RAB33B: variants seen among roughly 807,000 people sequenced by gnomAD.
The protein encoded by RAB33B is ras-related protein Rab-33B.
RAB33B carries 6 observed loss-of-function variants against 15.0 expected under a neutral mutation model. That is an observed-to-expected ratio of 0.40 (90% confidence interval 0.22 to 0.79). The LOEUF (loss-of-function observed/expected upper bound fraction) is 0.79. Among genes scored for constraint, RAB33B ranks in the 30% least tolerant of loss-of-function variants. The probability of loss-of-function intolerance (pLI) is 0.37; values close to 1 mark genes in which losing one functional copy is unlikely to be tolerated. For missense variants in RAB33B, 257 were observed against 296.4 expected (o/e 0.87, Z 0.98); for synonymous variants, 117 against 108.3 (o/e 1.08, Z -0.50).
At chr4:139,458,240 C>G (rs1001344702) in intron 1 of RAB33B, among the ~76,000 whole-genome samples, 1 of 151,752 alleles carries the variant, frequency 6.6e-6, no homozygotes, top group Non-Finnish European at 1.5e-5. Flanking sequence ...GCACTATGAT[C>G]GAGCCACTCC....
At chr4:139,444,170 C>T in the RAB33B span, among the ~76,000 whole-genome samples, 369 of 152,054 alleles carry the variant, frequency 2.4e-3, 2 homozygotes, top group Admixed American at 3.4e-3. Flanking sequence ...TGATTTGGGC[C>T]CACTAAGTGG....
intron 1 of RAB33B, among the ~76,000 whole-genome samples, chr4:139,469,399 C>T (rs1487626089): frequency 1.3e-5 from 2 of 152,180 alleles, no homozygotes; most frequent in Non-Finnish European, 2.9e-5. Context: ...TGGTAGTATT[C>T]TGAATTCCTT....
At chr4:139,467,802 G>T (rs1750317973) in intron 1 of RAB33B, among the ~76,000 whole-genome samples, 1 of 151,544 alleles carries the variant, frequency 6.6e-6, no homozygotes, top group Non-Finnish European at 1.5e-5. Context: ...AGGCAGCAGT[G>T]AGCTGAGATC....
chr4:139,454,247 G>T lies in RAB33B; in HGVS notation c.52G>T (p.Ala18Ser), dbSNP rs770964994. 6.2e-7 allele frequency: 1 copy of T among 1,614,142 alleles called. No individual in the cohort carries two copies. Among genetic ancestry groups the T allele is most frequent in the Non-Finnish European group, 8.5e-7 (1 of 1,180,004 alleles). ...SLEASFSSSG[A>S]VSGASGFLPP... The stretch of plus-strand genomic sequence containing the variant: ...CGAGGCAAGCTTTTCGTCCAGCGGG[G>T]CAGTGTCAGGGGCCTCAGGGTTTTT... Residue 18 changes from alanine to serine, a missense_variant, in exon 1 of 2, where the codon GCA becomes TCA. By Grantham distance (99) the Ala-to-Ser change is moderately conservative. Coordinates refer to ENST00000305626, the MANE Select transcript of RAB33B (RefSeq NM_031296.3).
At chr4:139,471,404 G>A (rs1286975887) in intron 1 of RAB33B, among the ~76,000 whole-genome samples, 1 of 152,140 alleles carries the variant, frequency 6.6e-6, no homozygotes, top group Non-Finnish European at 1.5e-5. Context: ...TGCTCGGGGT[G>A]CAGGGGGTGG....
At chr4:139,461,916 A>T (rs892813762) in intron 1 of RAB33B, among the ~76,000 whole-genome samples, 27 of 151,870 alleles carry the variant, frequency 1.8e-4, no homozygotes, top group African/African-American at 6.0e-4. Flanking sequence ...AAAAAAAAAA[A>T]TTTCATATAT....
rs1231148512 is a variant in RAB33B at position 139,474,000 on chromosome 4, G to A, written c.*874G>A. 1.3e-5 allele frequency: 2 copies of A among 149,402 alleles called. No homozygotes were observed. Among genetic ancestry groups the A allele is most frequent in the African/African-American group, 5.0e-5 (2 of 40,244 alleles). The allele number at this position is 149,402 out of a possible 1,614,324, so 9.3% of individuals were successfully genotyped here. On this transcript the variant is annotated 3_prime_UTR_variant, in exon 2 of 2. Coordinates refer to ENST00000305626, the MANE Select transcript of RAB33B (RefSeq NM_031296.3). ...GCTCACTGCAACCTCCGCCTCCCAG[G>A]TTCAAGTGATTCTCCTGCCTCAGCC... is the stretch of plus-strand genomic sequence containing the variant.
intron 1 of RAB33B, among the ~76,000 whole-genome samples, chr4:139,459,563 T>C (rs1256155916): frequency 1.3e-5 from 2 of 152,136 alleles, no homozygotes; most frequent in African/African-American, 4.8e-5. Flanking sequence ...CCTCCCTTAC[T>C]AAGTTTTATT....
chr4:139,471,529 T>G (rs970900138), intron 1 of RAB33B, among the ~76,000 whole-genome samples: 5 of 151,774 alleles, frequency 3.3e-5, no homozygotes, highest in African/African-American at 1.2e-4. Context: ...GAAGTTTTTT[T>G]TTTTTTTTTT....
At chr4:139,461,736 TC>T (rs1168888170) in intron 1 of RAB33B, among the ~76,000 whole-genome samples, 2 of 152,064 alleles carry the variant, frequency 1.3e-5, no homozygotes, top group South Asian at 2.1e-4. Flanking sequence ...CTTGCTCTCT[TC>T]CTTATCACCA....
intron 1 of RAB33B, among the ~76,000 whole-genome samples, chr4:139,461,991 C>A (rs1750181659): frequency 6.7e-6 from 1 of 149,616 alleles, no homozygotes; most frequent in South Asian, 2.1e-4. Context: ...CAAGTTTTAA[C>A]AAAAATGGCA....
chr4:139,442,450 CTGTG>C, the RAB33B span, among the ~76,000 whole-genome samples: 1 of 152,012 alleles, frequency 6.6e-6, no homozygotes, highest in Non-Finnish European at 1.5e-5. Context: ...AGTATTGATC[CTGTG>C]TGTGTCTGTG....
chr4:139,449,928 A>G (rs1229008179), upstream of RAB33B: 1 of 152,246 alleles, frequency 6.6e-6, no homozygotes, highest in Non-Finnish European at 1.5e-5. Flanking sequence ...AAGTGGGCAG[A>G]GCCATTTTTA....
At chr4:139,459,130 CAAAAA>C (rs70943419) in intron 1 of RAB33B, among the ~76,000 whole-genome samples, 1 of 120,220 alleles carries the variant, frequency 8.3e-6, no homozygotes, top group Non-Finnish European at 1.7e-5. Context: ...AATCCCATCT[CAAAAA>C]AAAAAAAAAA....
chr4:139,469,674 G>C (rs2111084511), intron 1 of RAB33B, among the ~76,000 whole-genome samples: 1 of 152,316 alleles, frequency 6.6e-6, no homozygotes, highest in African/African-American at 2.4e-5. Flanking sequence ...AAGGACTTGA[G>C]TGTTGTGATC....
In RAB33B at chr4:139,454,138, A is replaced by G; in HGVS notation, c.-58A>G. Reference sequence around the variant, plus strand: ...GGGCGCGCGCTCTTGCGGTGGCGTAATCTCTCAGCCTTTCTGTGTCTCCTT... The same window carrying G: ...GGGCGCGCGCTCTTGCGGTGGCGTAGTCTCTCAGCCTTTCTGTGTCTCCTT... On this transcript the variant is annotated 5_prime_UTR_variant, in exon 1 of 2. Transcript: ENST00000305626. The G allele has an allele frequency of 6.5e-7, 1 of 1,539,228 alleles. No individual in the cohort carries two copies. The highest frequency in any genetic ancestry group is 2.0e-5 in the Admixed American group (1 of 50,532).
chr4:139,445,976 T>C, the RAB33B span, among the ~76,000 whole-genome samples: 1 of 152,228 alleles, frequency 6.6e-6, no homozygotes, highest in African/African-American at 2.4e-5. Flanking sequence ...CGTTTGACTA[T>C]GTGTCATCAA....
At chr4:139,455,394 TG>T (rs757889200) in intron 1 of RAB33B, among the ~76,000 whole-genome samples, 18 of 152,308 alleles carry the variant, frequency 1.2e-4, no homozygotes, top group Non-Finnish European at 2.6e-4. Context: ...CTCAGTCTCT[TG>T]GTGGGGATGG....
At chr4:139,466,327 C>G (rs896442254) in intron 1 of RAB33B, among the ~76,000 whole-genome samples, 1 of 152,070 alleles carries the variant, frequency 6.6e-6, no homozygotes, top group South Asian at 2.1e-4. Context: ...ACAACCATTG[C>G]TAATATTTTG....
Sources: gnomAD v4.1 joint callset for allele counts (sites outside exome capture counted in the v4.1 genomes callset) on GRCh38, gnomAD v4.1.1 for gene constraint, MANE v1.5 for transcripts, NCBI Gene and HGNC (gene_info 2026-07-23, HGNC 2026-07-21) for gene names.